Variants in KIF2A observed in about 807,000 individuals in gnomAD.
The protein encoded by KIF2A is kinesin family member 2A.
Under a neutral mutation model 100.2 loss-of-function variants are expected in KIF2A, and 22 were observed. That is an observed-to-expected ratio of 0.22 (90% CI 0.16 to 0.31). The LOEUF is 0.31. KIF2A is among the 10% of genes least tolerant of loss of function. KIF2A has a pLI of 1.00. For missense variants in KIF2A, 495 were observed against 898.7 expected (o/e 0.55, Z 5.74); for synonymous variants, 268 against 285.9 (o/e 0.94, Z 0.63).
At position 62,385,373 on chromosome 5, in the gene KIF2A, A is replaced by C. The variant is rs1741974514; in HGVS notation, c.2150-111A>C. ...GACAACAAAGAACAAAAGGAAAAAT[A>C]CTGAGTTACTGTTAGGAAATAACAC... On this transcript the variant is annotated intron_variant, in intron 20 of 20. Coordinates refer to ENST00000407818, the MANE Select transcript of KIF2A (RefSeq NM_001098511.3). 27 of 681,844 alleles carry C rather than the reference A, an allele frequency of 4.0e-5. No homozygotes were observed. The South Asian group carries it at 5.5e-4, about 14-fold the overall frequency. The allele number at this position is 681,844 out of a possible 1,614,324, so 42.2% of individuals were successfully genotyped here.
At chr5:62,383,993 T>G (rs1561284644) in intron 20 of KIF2A, among the ~76,000 whole-genome samples, 3 of 152,068 alleles carry the variant, frequency 2.0e-5, no homozygotes, top group African/African-American at 7.2e-5. Flanking sequence ...TCCCAGCACT[T>G]TGGGAGGCTG....
Position 62,388,133 on chromosome 5 carries a change from AG to A in KIF2A, c.*2566del, listed in dbSNP as rs1482702085. ...TTAAAATAGCTTAAAACTAAGCACC[AG>A]GTATATGAAAAAGGAACTGGAAATT... On this transcript the variant is annotated 3_prime_UTR_variant, in exon 21 of 21. Coordinates refer to ENST00000407818, the MANE Select transcript of KIF2A (RefSeq NM_001098511.3). The A allele has an allele frequency of 1.3e-5, 2 of 152,056 alleles. No homozygotes were observed. Among genetic ancestry groups the A allele is most frequent in the African/African-American group, 4.8e-5 (2 of 41,382 alleles). The allele number at this position is 152,056 out of a possible 1,614,324, so 9.4% of individuals were successfully genotyped here.
At chr5:62,319,622 A>G (rs1346843803) in intron 1 of KIF2A, among the ~76,000 whole-genome samples, 1 of 152,150 alleles carries the variant, frequency 6.6e-6, no homozygotes, top group African/African-American at 2.4e-5. Context: ...TAGCACAGGC[A>G]CTCTGCACAC....
intron 1 of KIF2A, among the ~76,000 whole-genome samples, chr5:62,343,247 T>C (rs1747391304): frequency 2.0e-5 from 3 of 152,216 alleles, no homozygotes; most frequent in Admixed American, 2.0e-4. Context: ...TAACTCCCTT[T>C]TGACTCCTCC....
intron 7 of KIF2A, among the ~76,000 whole-genome samples, chr5:62,357,054 G>T (rs1191961213): frequency 6.6e-6 from 1 of 151,300 alleles, no homozygotes; most frequent in Non-Finnish European, 1.5e-5. Flanking sequence ...CCAAAGTGCT[G>T]GGATTACCCA....
Position 62,355,248 on chromosome 5 carries a change from A to C in KIF2A, c.648A>C (p.Ala216=). 1 of 1,456,002 alleles carries C rather than the reference A, an allele frequency of 6.9e-7. No individual in the cohort carries two copies. Among genetic ancestry groups the C allele is most frequent in the Non-Finnish European group, 9.6e-7 (1 of 1,042,802 alleles). 90.2% of individuals were successfully genotyped at this position (1,456,002 alleles called of 1,614,324 possible). The change falls in exon 7 of 21, where the codon GCA becomes GCC. Residue 216 remains alanine (A), a synonymous_variant. Transcript: ENST00000407818. ...GSLDYRPLTT[A]DPIDEHRICV... is the part of the protein sequence containing the mutation. ...TGGATTATAGACCATTAACAACAGC[A>C]GATCCTGTAAGATTCTTTGTAAACC...
intron 18 of KIF2A, among the ~76,000 whole-genome samples, chr5:62,374,239 G>A (rs2111987326): frequency 6.6e-6 from 1 of 152,106 alleles, no homozygotes; most frequent in East Asian, 1.9e-4. Context: ...ATAAGTCAGG[G>A]GTCAGCAAAC....
chr5:62,364,151 GTT>G (rs760117138), intron 14 of KIF2A, among the ~76,000 whole-genome samples: 1 of 143,066 alleles, frequency 7.0e-6, no homozygotes. Context: ...AACTCCAGAG[GTT>G]TTTTTTTTTT....
chr5:62,309,497 A>G (rs1745461513), intron 1 of KIF2A, among the ~76,000 whole-genome samples: 1 of 152,216 alleles, frequency 6.6e-6, no homozygotes, highest in Non-Finnish European at 1.5e-5. Context: ...ATGCCCCTCA[A>G]GCTTTCCCTT....
At chr5:62,323,871 C>A (rs1192128542) in intron 1 of KIF2A, among the ~76,000 whole-genome samples, 1 of 151,940 alleles carries the variant, frequency 6.6e-6, no homozygotes, top group Non-Finnish European at 1.5e-5. Flanking sequence ...AACCTCGTCT[C>A]TACTCTGCAA....
chr5:62,349,953 G>A, intron 3 of KIF2A, 113 bp from the exon 4 acceptor site: 3 of 645,112 alleles, frequency 4.7e-6, no homozygotes, highest in Non-Finnish European at 8.0e-6. Flanking sequence ...TCTTCATTTT[G>A]TTTTATATTC....
At position 62,389,482 on chromosome 5, in the gene KIF2A, T is replaced by G. The variant is rs1742193641; in HGVS notation, c.*3913T>G. 4.8e-5 allele frequency among the ~76,000 whole-genome samples: 2 copies of G among 41,400 alleles called. No homozygotes were observed. Among genetic ancestry groups the G allele is most frequent in the Admixed American group, 2.2e-4 (1 of 4,562 alleles). The allele number at this position is 41,400 out of a possible 152,430, so 27.2% of individuals were successfully genotyped here. A position where few individuals can be genotyped will look rare whatever the true frequency, so the allele number is the denominator to read the frequency against. On this transcript the variant is annotated 3_prime_UTR_variant, in exon 21 of 21. Transcript: ENST00000407818. The stretch of plus-strand genomic sequence containing the variant: ...GCCTGGGTGACAGAGCAAGACTCTG[T>G]CTCAAAAAAAAAAAAAAAAGAAATG...
intron 1 of KIF2A, among the ~76,000 whole-genome samples, chr5:62,342,387 G>A (rs375792284): frequency 6.6e-5 from 10 of 152,260 alleles, no homozygotes; most frequent in African/African-American, 2.4e-4. Context: ...AGCCATGCAG[G>A]TGCACTGCTT....
intron 1 of KIF2A, among the ~76,000 whole-genome samples, chr5:62,338,774 C>T (rs174647): frequency 0.51 from 77,535 of 151,906 alleles, 20,793 homozygotes; most frequent in South Asian, 0.65. Context: ...TAAGCCACAA[C>T]TTTGTAGAAA....
intron 1 of KIF2A, among the ~76,000 whole-genome samples, chr5:62,343,644 C>T (rs1747410829): frequency 6.6e-6 from 1 of 152,136 alleles, no homozygotes; most frequent in Non-Finnish European, 1.5e-5. Context: ...AACATTTTGG[C>T]TGCTCTGGAG....
intron 1 of KIF2A, among the ~76,000 whole-genome samples, chr5:62,339,450 A>G (rs745370246): frequency 1.3e-5 from 2 of 151,292 alleles, no homozygotes; most frequent in Non-Finnish European, 2.9e-5. Flanking sequence ...TATACAAACT[A>G]TCACACAGCC....
intron 20 of KIF2A, among the ~76,000 whole-genome samples, chr5:62,382,669 T>TA (rs1356622933): frequency 6.6e-6 from 1 of 151,534 alleles, no homozygotes; most frequent in Non-Finnish European, 1.5e-5. Context: ...GTTTTGCTCT[T>TA]ATTGTCCAGG....
chr5:62,334,337 A>T (rs1354514198), intron 1 of KIF2A, among the ~76,000 whole-genome samples: 1 of 151,874 alleles, frequency 6.6e-6, no homozygotes, highest in Non-Finnish European at 1.5e-5. Flanking sequence ...CCATCCCTGC[A>T]GTCCTCCCTA....
At chr5:62,311,491 A>G (rs1745550606) in intron 1 of KIF2A, among the ~76,000 whole-genome samples, 1 of 152,188 alleles carries the variant, frequency 6.6e-6, no homozygotes, top group African/African-American at 2.4e-5. Context: ...GCAATTGAAG[A>G]TTTCAAAGGA....
Sources: gnomAD v4.1 joint callset for allele counts (sites outside exome capture counted in the v4.1 genomes callset) on GRCh38, gnomAD v4.1.1 for gene constraint, MANE v1.5 for transcripts, NCBI Gene and HGNC (gene_info 2026-07-23, HGNC 2026-07-21) for gene names.